GJB7: variants seen among roughly 807,000 people sequenced by gnomAD.
GJB7 encodes the protein gap junction beta-7 protein.
For synonymous variants in GJB7, 87 were observed against 95.2 expected (o/e 0.91, Z 0.50); for missense variants, 253 against 256.8 (o/e 0.99, Z 0.10).
chr6:87,293,726 G>C (rs1178278575), intron 2 of GJB7, among the ~76,000 whole-genome samples: 3 of 152,192 alleles, frequency 2.0e-5, no homozygotes, highest in African/African-American at 7.2e-5. Flanking sequence ...TGACTGTACT[G>C]AAGCCCCAGG....
Position 87,283,415 on chromosome 6 carries a change from C to CT in GJB7, c.*825dup, listed in dbSNP as rs1207833371. The CT allele has an allele frequency of 6.6e-6, 1 of 152,196 alleles. No homozygotes were observed. The highest frequency in any genetic ancestry group is 6.5e-5 in the Admixed American group (1 of 15,274). 9.4% of individuals were successfully genotyped at this position (152,196 alleles called of 1,614,324 possible). A position where few individuals can be genotyped will look rare whatever the true frequency, so the allele number is the denominator to read the frequency against. Reference sequence around the variant, plus strand: ...TTTCCTTTCTGACTCTAGAGTGACCCTTTCGGATGTCTGCTGGTTCAGGCT... The same window carrying CT: ...TTTCCTTTCTGACTCTAGAGTGACCCTTTTCGGATGTCTGCTGGTTCAGGCT... On this transcript the variant is annotated 3_prime_UTR_variant, in exon 3 of 3. Coordinates refer to ENST00000525899, the MANE Select transcript of GJB7 (RefSeq NM_198568.3).
intron 2 of GJB7, among the ~76,000 whole-genome samples, chr6:87,306,253 G>C (rs995018332): frequency 7.2e-5 from 11 of 152,024 alleles, no homozygotes; most frequent in African/African-American, 1.7e-4. Flanking sequence ...CTACAAAATG[G>C]GAGAAAATTT....
At chr6:87,288,078 T>C (rs1018030542) in intron 2 of GJB7, among the ~76,000 whole-genome samples, 2 of 152,008 alleles carry the variant, frequency 1.3e-5, no homozygotes, top group African/African-American at 4.8e-5. Context: ...AATTTTTGTA[T>C]TTCTAGTAGA....
chr6:87,316,247 G>A (rs1489457756), intron 2 of GJB7, among the ~76,000 whole-genome samples: 1 of 152,182 alleles, frequency 6.6e-6, no homozygotes, highest in Non-Finnish European at 1.5e-5. Context: ...TTGAATGGGT[G>A]GGGGTAGAAG....
intron 2 of GJB7, among the ~76,000 whole-genome samples, chr6:87,308,184 C>T (rs1452071027): frequency 1.3e-5 from 2 of 151,128 alleles, no homozygotes; most frequent in African/African-American, 4.9e-5. Flanking sequence ...AATGAGAACA[C>T]TTGGACACAG....
intron 2 of GJB7, among the ~76,000 whole-genome samples, chr6:87,308,061 T>C (rs1439245128): frequency 6.6e-6 from 1 of 152,068 alleles, no homozygotes; most frequent in African/African-American, 2.4e-5. Context: ...AAATGATGAG[T>C]TCATGTCCTT....
chr6:87,284,626 G>C lies in GJB7; in HGVS notation c.287C>G (p.Ala96Gly), dbSNP rs1217384266. Residue 96 changes from alanine to glycine, a missense_variant, in exon 3 of 3, where the codon GCC becomes GGC. Ala to Gly is a moderately conservative substitution (Grantham distance 60, BLOSUM62 0). Coordinates refer to ENST00000525899, the MANE Select transcript of GJB7 (RefSeq NM_198568.3). ...TPSLLVVLHV[A>G]YHEGREKRHR... The stretch of plus-strand genomic sequence containing the variant: ...CCTTTTCTCTCTACCCTCATGATAG[G>C]CTACATGTAAAACCACCAGAAGTGA... 1.9e-6 allele frequency: 3 copies of C among 1,614,096 alleles called. No homozygotes were observed. Among genetic ancestry groups the C allele is most frequent in the South Asian group, 1.1e-5 (1 of 91,080 alleles).
rs1438389168 is a variant in GJB7, at chr6:87,289,455, G to A, written c.-27-4516C>T. Among the ~76,000 whole-genome samples the A allele has an allele frequency of 3.3e-5, 5 of 152,078 alleles. 1 individual carries two copies. Among genetic ancestry groups the A allele is most frequent in the Middle Eastern group, 6.3e-3 (2 of 316 alleles). ...ACACATAACAATTGATTCTCATTACGCCAATTTACCAAGCAAGCTTCTGAG... is the reference window on the plus strand; with the variant it reads ...ACACATAACAATTGATTCTCATTACACCAATTTACCAAGCAAGCTTCTGAG... On this transcript the variant is annotated intron_variant, in intron 2 of 2. Transcript: ENST00000525899.
At chr6:87,285,112 T>C (rs1776038068) in intron 2 of GJB7, among the ~76,000 whole-genome samples, 173 bp from the exon 3 acceptor site, 1 of 152,202 alleles carries the variant, frequency 6.6e-6, no homozygotes, top group South Asian at 2.1e-4. Context: ...AAGGAGATGA[T>C]ACAACTGGCC....
chr6:87,303,589 C>G (rs1405567841), intron 2 of GJB7, among the ~76,000 whole-genome samples: 1 of 152,112 alleles, frequency 6.6e-6, no homozygotes, highest in Non-Finnish European at 1.5e-5. Context: ...GAGACTAACA[C>G]CACACTGTCA....
chr6:87,301,164 G>T (rs909580022), intron 2 of GJB7, among the ~76,000 whole-genome samples: 2 of 152,152 alleles, frequency 1.3e-5, no homozygotes, highest in African/African-American at 4.8e-5. Context: ...GCTCACTGGG[G>T]CTTGTCGGAC....
intron 2 of GJB7, among the ~76,000 whole-genome samples, chr6:87,288,453 C>A (rs765408215): frequency 1.3e-5 from 2 of 152,276 alleles, no homozygotes; most frequent in Middle Eastern, 3.4e-3. Context: ...CCTTTTAAAT[C>A]TTTCTTGCCT....
chr6:87,285,014 T>G (rs1776037005), intron 2 of GJB7, 75 bp from the exon 3 acceptor site: 2 of 942,346 alleles, frequency 2.1e-6, no homozygotes, highest in Non-Finnish European at 3.2e-6. Flanking sequence ...TGAGGGATTA[T>G]GTAAGATAAA....
intron 2 of GJB7, among the ~76,000 whole-genome samples, chr6:87,316,324 A>C (rs1029488846): frequency 3.9e-5 from 6 of 152,126 alleles, no homozygotes; most frequent in African/African-American, 1.4e-4. Context: ...CCCTCCTCAT[A>C]AAATTATTTC....
chr6:87,297,311 T>A (rs1367260101), intron 2 of GJB7, among the ~76,000 whole-genome samples: 1 of 152,202 alleles, frequency 6.6e-6, no homozygotes, highest in Non-Finnish European at 1.5e-5. Flanking sequence ...ACTCACCCAA[T>A]GTTGTAACCA....
At chr6:87,292,941 T>C (rs1247543944) in intron 2 of GJB7, among the ~76,000 whole-genome samples, 1 of 152,270 alleles carries the variant, frequency 6.6e-6, no homozygotes, top group Non-Finnish European at 1.5e-5. Context: ...TTCTCTCTGG[T>C]TGCTCTTCAT....
intron 2 of GJB7, among the ~76,000 whole-genome samples, chr6:87,310,390 G>T (rs1410196459): frequency 6.6e-6 from 1 of 152,066 alleles, no homozygotes; most frequent in Non-Finnish European, 1.5e-5. Context: ...CATCAAGAGA[G>T]TAAAAAGGCA....
chr6:87,323,392 T>G (rs754141257), intron 1 of GJB7, among the ~76,000 whole-genome samples: 1 of 151,858 alleles, frequency 6.6e-6, no homozygotes, highest in Non-Finnish European at 1.5e-5. Context: ...ACATCTAACA[T>G]TAGGTATATC....
chr6:87,315,195 G>A (rs574742362), intron 2 of GJB7, among the ~76,000 whole-genome samples: 4 of 152,256 alleles, frequency 2.6e-5, no homozygotes, highest in South Asian at 2.1e-4. Context: ...TGAAGTGGGC[G>A]TCTGCTGATT....
Sources: gnomAD v4.1 joint callset for allele counts (sites outside exome capture counted in the v4.1 genomes callset) on GRCh38, gnomAD v4.1.1 for gene constraint, MANE v1.5 for transcripts, NCBI Gene and HGNC (gene_info 2026-07-23, HGNC 2026-07-21) for gene names.